The following CLSTN2 variants were observed in gnomAD, a reference collection of about 807,000 sequenced individuals.
CLSTN2 encodes the protein calsyntenin 2, also known as calsyntenin-2.
A neutral mutation model predicts 101.2 loss-of-function variants in CLSTN2; 48 were observed. That is an observed-to-expected ratio of 0.47 (90% CI 0.38 to 0.60). The LOEUF (loss-of-function observed/expected upper bound fraction) is 0.60, where lower values mean the gene tolerates loss of function less well. Among genes scored for constraint, CLSTN2 ranks in the 20% least tolerant of loss-of-function variants. CLSTN2 has a pLI of 0.00. For missense variants in CLSTN2, 1,160 were observed against 1,238.2 expected (o/e 0.94, Z 0.95); for synonymous variants, 481 against 463.6 (o/e 1.04, Z -0.48).
chr3:140,201,093 A>G (rs542233856), intron 2 of CLSTN2, among the ~76,000 whole-genome samples: 1 of 152,242 alleles, frequency 6.6e-6, no homozygotes, highest in Non-Finnish European at 1.5e-5. Flanking sequence ...GTTGGCTGAG[A>G]TGAACGTGAC....
chr3:139,966,373 C>T (rs1935598383), intron 1 of CLSTN2, among the ~76,000 whole-genome samples: 1 of 152,178 alleles, frequency 6.6e-6, no homozygotes, highest in Non-Finnish European at 1.5e-5. Context: ...CTAGCCCCAG[C>T]CTAACTCCTG....
chr3:140,005,926 A>T (rs2006944138), intron 1 of CLSTN2, among the ~76,000 whole-genome samples: 2 of 152,256 alleles, frequency 1.3e-5, no homozygotes, highest in Non-Finnish European at 2.9e-5. Context: ...GAATGGTGAT[A>T]GCCAACACTC....
At chr3:140,317,091 T>C (rs115748518) in intron 2 of CLSTN2, among the ~76,000 whole-genome samples, 2 of 152,316 alleles carry the variant, frequency 1.3e-5, no homozygotes, top group Non-Finnish European at 2.9e-5. Flanking sequence ...GTTTCAGTGA[T>C]TTCCCAGATT....
intron 2 of CLSTN2, among the ~76,000 whole-genome samples, chr3:140,271,398 T>A (rs753932636): frequency 1.5e-4 from 23 of 152,196 alleles, no homozygotes; most frequent in Non-Finnish European, 3.1e-4. Context: ...AACACTGGGA[T>A]TACCCCAGTG....
At chr3:140,054,407 C>G (rs2008057868) in intron 1 of CLSTN2, among the ~76,000 whole-genome samples, 1 of 152,070 alleles carries the variant, frequency 6.6e-6, no homozygotes, top group Admixed American at 6.6e-5. Context: ...TCAAAGCTGT[C>G]CATATGCAGA....
At chr3:140,037,195 A>G (rs2007671468) in intron 1 of CLSTN2, among the ~76,000 whole-genome samples, 1 of 152,224 alleles carries the variant, frequency 6.6e-6, no homozygotes, top group Admixed American at 6.5e-5. Flanking sequence ...TCAAACATGC[A>G]TAAAAACACA....
intron 2 of CLSTN2, among the ~76,000 whole-genome samples, chr3:140,299,300 T>A (rs766125944): frequency 1.3e-5 from 2 of 152,238 alleles, no homozygotes; most frequent in Non-Finnish European, 2.9e-5. Flanking sequence ...TCCCAGCCGT[T>A]GTCCTTAACC....
chr3:140,235,424 A>G (rs984045236), intron 2 of CLSTN2, among the ~76,000 whole-genome samples: 1 of 152,184 alleles, frequency 6.6e-6, no homozygotes, highest in Non-Finnish European at 1.5e-5. Flanking sequence ...TGGGTATTGA[A>G]GCAGAAGTGG....
intron 1 of CLSTN2, among the ~76,000 whole-genome samples, chr3:139,986,021 A>G (rs1333271913): frequency 6.6e-6 from 1 of 152,232 alleles, no homozygotes; most frequent in Non-Finnish European, 1.5e-5. Flanking sequence ...TTAGCTGGAT[A>G]TCAATTAACT....
At chr3:140,087,998 G>A (rs2008707606) in intron 1 of CLSTN2, among the ~76,000 whole-genome samples, 1 of 152,188 alleles carries the variant, frequency 6.6e-6, no homozygotes, top group South Asian at 2.1e-4. Flanking sequence ...CGATTTTAAG[G>A]AGGTTGGAGC....
chr3:140,074,230 T>C (rs1303780095), intron 1 of CLSTN2, among the ~76,000 whole-genome samples: 1 of 152,200 alleles, frequency 6.6e-6, no homozygotes, highest in Non-Finnish European at 1.5e-5. Context: ...CTAATTATCA[T>C]CAACTTTTGT....
At chr3:139,948,973 C>G (rs1050605941) in intron 1 of CLSTN2, among the ~76,000 whole-genome samples, 5 of 152,162 alleles carry the variant, frequency 3.3e-5, no homozygotes, top group African/African-American at 1.2e-4. Flanking sequence ...ACTTCAGCCC[C>G]ATCTGCAGGA....
intron 1 of CLSTN2, among the ~76,000 whole-genome samples, chr3:140,074,693 A>G (rs1203987402): frequency 6.6e-6 from 1 of 152,196 alleles, no homozygotes; most frequent in Non-Finnish European, 1.5e-5. Context: ...GTACAATGTC[A>G]CAAAGCTGGT....
chr3:140,015,250 C>G (rs1025267896), intron 1 of CLSTN2, among the ~76,000 whole-genome samples: 2 of 152,202 alleles, frequency 1.3e-5, no homozygotes, highest in Non-Finnish European at 1.5e-5. Flanking sequence ...ACAATCAGAT[C>G]TCTGTCCAGG....
intron 1 of CLSTN2, among the ~76,000 whole-genome samples, chr3:139,944,648 A>C (rs1304302518): frequency 6.6e-6 from 1 of 152,228 alleles, no homozygotes; most frequent in Non-Finnish European, 1.5e-5. Flanking sequence ...AGCACTGTCC[A>C]AGGCCCAGAG....
intron 1 of CLSTN2, among the ~76,000 whole-genome samples, chr3:140,158,815 T>C (rs2009999643): frequency 6.6e-6 from 1 of 152,164 alleles, no homozygotes; most frequent in Non-Finnish European, 1.5e-5. Context: ...AGCATGGTAC[T>C]GGCACAAAAA....
intron 1 of CLSTN2, among the ~76,000 whole-genome samples, chr3:140,092,691 C>A (rs1378534490): frequency 1.3e-5 from 2 of 152,178 alleles, no homozygotes; most frequent in African/African-American, 4.8e-5. Context: ...TCCCTGCTCT[C>A]AAACCTGATT....
At chr3:140,477,547 A>G (rs551072684) in intron 8 of CLSTN2, among the ~76,000 whole-genome samples, 19 of 152,338 alleles carry the variant, frequency 1.2e-4, no homozygotes, top group African/African-American at 4.6e-4. Context: ...TAAACTCTTG[A>G]TTTACATACA....
chr3:140,255,439 T>C (rs1327118886), intron 2 of CLSTN2, among the ~76,000 whole-genome samples: 3 of 152,156 alleles, frequency 2.0e-5, no homozygotes, highest in African/African-American at 4.8e-5. Context: ...GAAAATGTGG[T>C]ACATATACAC....
Sources: allele counts gnomAD v4.1 joint callset (sites outside exome capture counted in the v4.1 genomes callset), GRCh38; gene constraint gnomAD v4.1.1; transcripts MANE v1.5; gene names NCBI Gene and HGNC (gene_info 2026-07-23, HGNC 2026-07-21).